Variants in LILRB5 observed in about 807,000 individuals in gnomAD.
The protein encoded by LILRB5 is leukocyte immunoglobulin-like receptor subfamily B member 5.
In LILRB5, 61 loss-of-function variants were observed where a neutral mutation model predicts 68.4. The observed-to-expected ratio is 0.89, with a 90% CI of 0.73 to 1.10. LILRB5 has a LOEUF of 1.10. Among genes scored for constraint, LILRB5 ranks in the 50% least tolerant of loss-of-function variants. LILRB5 has a pLI of 0.00. For missense variants in LILRB5, 771 were observed against 751.6 expected, an observed-to-expected ratio of 1.03 and a Z score of -0.30; for synonymous variants, 356 against 315.8, an observed-to-expected ratio of 1.13 and a Z score of -1.35.
At position 54,249,864 on chromosome 19, in the gene LILRB5, C is replaced by A. The variant is rs1353285124; in HGVS notation, c.*922G>T. The A allele has an allele frequency of 6.6e-6, 1 of 152,174 alleles. No homozygotes were observed. Among genetic ancestry groups the A allele is most frequent in the East Asian group, 1.9e-4 (1 of 5,198 alleles). 9.4% of individuals were successfully genotyped at this position (152,174 alleles called of 1,614,324 possible). On this transcript the variant is annotated 3_prime_UTR_variant, in exon 13 of 13. Transcript: ENST00000449561. ...CCTGACCAACATGGAGAAACCCTGTCTCTACTAAAAATACAAAAATTAGCC... is the reference window on the plus strand; with the variant it reads ...CCTGACCAACATGGAGAAACCCTGTATCTACTAAAAATACAAAAATTAGCC...
chr19:54,255,841 T>C, intron 4 of LILRB5: 1 of 651,484 alleles, frequency 1.5e-6, no homozygotes, highest in Non-Finnish European at 2.6e-6. Flanking sequence ...CCCATTGCCT[T>C]CCTGAGTCGA....
chr19:54,252,526 C>T lies in LILRB5; in HGVS notation c.1498G>A (p.Ala500Thr), dbSNP rs763884195. 1 of 1,613,922 alleles carries T rather than the reference C, an allele frequency of 6.2e-7. No homozygotes were observed. The highest frequency in any genetic ancestry group is 2.2e-5 in the East Asian group (1 of 44,892). ...TGGTCCTTGGGCTCTGGCCCCGCAGCCCCTGCAGGACGGTAGAAATGGGCT... is the reference window on the plus strand; with the variant it reads ...TGGTCCTTGGGCTCTGGCCCCGCAGTCCCTGCAGGACGGTAGAAATGGGCT... ...TSAHFYRPAG[A>T]AGPEPKDQGL... The change falls in exon 10 of 13, where the codon GCT (alanine) becomes ACT (threonine). Residue 500 changes from alanine to threonine, a missense_variant. By Grantham distance (58) the Ala-to-Thr change is moderately conservative. Coordinates refer to ENST00000449561, the MANE Select transcript of LILRB5 (RefSeq NM_001081442.3).
Position 54,255,388 on chromosome 19 carries a change from G to C in LILRB5, c.850C>G (p.Pro284Ala). ...GLSQANFTLG[P>A]VSRSHGGQYR... ...TGGCCCCCGTGGGAGCGGCTCACAGGGCCCAGGGTGAAGTTGGCCTGGGAG... is the reference window on the plus strand; with the variant it reads ...TGGCCCCCGTGGGAGCGGCTCACAGCGCCCAGGGTGAAGTTGGCCTGGGAG... The change falls in exon 5 of 13, where the codon CCT becomes GCT. Residue 284 changes from proline (P) to alanine (A), a missense_variant. By Grantham distance (27) the Pro-to-Ala change is conservative. Coordinates refer to ENST00000449561, the MANE Select transcript of LILRB5 (RefSeq NM_001081442.3). The C allele has an allele frequency of 6.2e-7, 1 of 1,614,128 alleles. No homozygotes were observed. Among genetic ancestry groups the C allele is most frequent in the Non-Finnish European group, 8.5e-7 (1 of 1,180,010 alleles).
At chr19:54,256,459 T>C (rs762479428) in intron 3 of LILRB5, 30 bp downstream of exon 3, 5 of 1,611,686 alleles carry the variant, frequency 3.1e-6, no homozygotes, top group Non-Finnish European at 4.2e-6. Flanking sequence ...GGGCAGAGCC[T>C]GGGGCTGGGA....
At position 54,252,561 on chromosome 19, in the gene LILRB5, T is replaced by C. The variant is rs779132097; in HGVS notation, c.1475-12A>G. The stretch of plus-strand genomic sequence containing the variant: ...ACGGTAGAAATGGGCTGGACAGAGA[T>C]GGACAGAGGGTCAGGCCTGGGAGAA... On this transcript the variant is annotated splice_polypyrimidine_tract_variant and intron_variant, in intron 9 of 12. Coordinates refer to ENST00000449561, the MANE Select transcript of LILRB5 (RefSeq NM_001081442.3). 5 of 1,613,402 alleles carry C rather than the reference T, an allele frequency of 3.1e-6. No homozygotes were observed. Among genetic ancestry groups the C allele is most frequent in the Non-Finnish European group, 4.2e-6 (5 of 1,179,896 alleles).
rs1196030566 is a variant in LILRB5 at position 54,256,962 on chromosome 19, T to C, written c.69A>G (p.Ala23=). 6.2e-7 allele frequency: 1 copy of C among 1,614,188 alleles called. No homozygotes were observed. Among genetic ancestry groups the C allele is most frequent in the Non-Finnish European group, 8.5e-7 (1 of 1,180,004 alleles). ...TGGGACAGCTGGGGACAGACTCACCTGCCTGCACGCAGGTCCTGGGGCCCA... is the reference window on the plus strand; with the variant it reads ...TGGGACAGCTGGGGACAGACTCACCCGCCTGCACGCAGGTCCTGGGGCCCA... The part of the protein sequence containing the change: ...LSVGPRTCVQ[A]GTLPKPTLWA... The change falls in exon 2 of 13, where the codon GCA becomes GCG. Residue 23 remains alanine (A), a splice_region_variant and synonymous_variant. Coordinates refer to ENST00000449561, the MANE Select transcript of LILRB5 (RefSeq NM_001081442.3).
Position 54,252,349 on chromosome 19 carries a change from C to T in LILRB5, c.1576+17G>A, listed in dbSNP as rs752063431. 20 of 1,613,514 alleles carry T rather than the reference C, an allele frequency of 1.2e-5. No homozygotes were observed. The highest frequency in any genetic ancestry group is 2.2e-5 in the East Asian group (1 of 44,886). ...TCCCTTGCCCACCCCAGGTGCCCTCCGCTTCTAGTCACTCACTGAGAATTT... is the reference window on the plus strand; with the variant it reads ...TCCCTTGCCCACCCCAGGTGCCCTCTGCTTCTAGTCACTCACTGAGAATTT... On this transcript the variant is annotated intron_variant, in intron 11 of 12. Transcript: ENST00000449561.
At chr19:54,254,255 G>A (rs2079048201) in intron 7 of LILRB5, 110 bp downstream of exon 7, 2 of 1,462,608 alleles carry the variant, frequency 1.4e-6, no homozygotes, top group Non-Finnish European at 1.8e-6. Flanking sequence ...CAGCTCCCTG[G>A]AGGGAAGCTC....
At position 54,250,476 on chromosome 19, in the gene LILRB5, C is replaced by T. The variant is rs928413835; in HGVS notation, c.*310G>A. 14 of 341,920 alleles carry T rather than the reference C, an allele frequency of 4.1e-5. No homozygotes were observed. The highest frequency in any genetic ancestry group is 1.9e-4 in the African/African-American group (9 of 48,020). 21.2% of individuals were successfully genotyped at this position (341,920 alleles called of 1,614,324 possible). On this transcript the variant is annotated 3_prime_UTR_variant, in exon 13 of 13. Coordinates refer to ENST00000449561, the MANE Select transcript of LILRB5 (RefSeq NM_001081442.3). Reference sequence around the variant, plus strand: ...ATTCATTCGCTCATTTGTAGTTTTCCGATTTCATCATTTAATGTGTAATAT... The same window carrying T: ...ATTCATTCGCTCATTTGTAGTTTTCTGATTTCATCATTTAATGTGTAATAT...
Position 54,254,093 on chromosome 19 carries a change from G to A in LILRB5, c.1307-25C>T, listed in dbSNP as rs370888692. ...GCTGGGTCAGGACGGGGAGGTGAGGGCTGGGGCTGCCCTGCTCCCCACATC... is the reference window on the plus strand; with the variant it reads ...GCTGGGTCAGGACGGGGAGGTGAGGACTGGGGCTGCCCTGCTCCCCACATC... On this transcript the variant is annotated intron_variant, in intron 7 of 12. Transcript: ENST00000449561. 1.0e-4 allele frequency: 163 copies of A among 1,584,986 alleles called. No individual in the cohort carries two copies. In the African/African-American group the frequency reaches 1.8e-3, roughly 17 times the overall value.
chr19:54,255,654 T>C, intron 4 of LILRB5, 72 bp from the exon 5 acceptor site: 2 of 1,488,760 alleles, frequency 1.3e-6, no homozygotes, highest in South Asian at 2.7e-5. Flanking sequence ...CGTCCTGGCG[T>C]CCTGGCCCTG....
At chr19:54,256,832 C>G in intron 2 of LILRB5, 59 bp from the exon 3 acceptor site, 1 of 1,608,834 alleles carries the variant, frequency 6.2e-7, no homozygotes, top group Non-Finnish European at 8.5e-7. Context: ...TTCCAGCTCT[C>G]AGCCCCAGGA....
Position 54,254,780 on chromosome 19 carries a change from A to C in LILRB5, c.1210T>G (p.Tyr404Asp), listed in dbSNP as rs1318692690. Residue 404 changes from tyrosine to aspartate, a missense_variant, in exon 6 of 13, where the codon TAC becomes GAC. Coordinates refer to ENST00000449561, the MANE Select transcript of LILRB5 (RefSeq NM_001081442.3). ...GGGTAACTAGGGCTGGACAGCAGGT[A>C]GGGGTAGGACCTGATTGCGCTGTAG... ...RCYSAIRSYP[Y>D]LLSSPSYPQE... 6.2e-7 allele frequency: 1 copy of C among 1,614,134 alleles called. No individual in the cohort carries two copies. Among genetic ancestry groups the C allele is most frequent in the South Asian group, 1.1e-5 (1 of 91,090 alleles).
chr19:54,256,834 GC>G (rs778569822), intron 2 of LILRB5, 61 bp from the exon 3 acceptor site: 1 of 1,608,170 alleles, frequency 6.2e-7, no homozygotes, highest in Non-Finnish European at 8.5e-7. Context: ...CCAGCTCTCA[GC>G]CCCAGGACCC....
chr19:54,252,305 G>T, intron 11 of LILRB5, 61 bp downstream of exon 11: 1 of 1,572,814 alleles, frequency 6.4e-7, no homozygotes, highest in Non-Finnish European at 8.7e-7. Flanking sequence ...TGCCCCCATT[G>T]CTACAGAAAC....
chr19:54,253,829 G>T, intron 8 of LILRB5, 189 bp downstream of exon 8: 1 of 1,481,558 alleles, frequency 6.7e-7, no homozygotes, highest in Non-Finnish European at 9.0e-7. Flanking sequence ...TGCTGCCGGT[G>T]GGACAGGACA....
chr19:54,255,081 T>A, intron 5 of LILRB5, 44 bp from the exon 6 acceptor site: 1 of 1,555,472 alleles, frequency 6.4e-7, no homozygotes, highest in Non-Finnish European at 8.7e-7. Context: ...CACCTTGCTC[T>A]GAGCTGAGAC....
At chr19:54,254,705 G>A (rs763646903) in intron 6 of LILRB5, 30 bp downstream of exon 6, 2 of 1,612,104 alleles carry the variant, frequency 1.2e-6, no homozygotes, top group East Asian at 4.5e-5. Context: ...GAGCCTTTGA[G>A]CTTGGACAGG....
rs2079011841 is a variant in LILRB5 at position 54,253,002 on chromosome 19, C to T, written c.1358-15G>A. The T allele has an allele frequency of 5.3e-6, 8 of 1,521,694 alleles. No homozygotes were observed. The highest frequency in any genetic ancestry group is 7.1e-6 in the Non-Finnish European group (8 of 1,121,368). The allele number at this position is 1,521,694 out of a possible 1,614,324, so 94.3% of individuals were successfully genotyped here. On this transcript the variant is annotated splice_polypyrimidine_tract_variant and intron_variant, in intron 8 of 12. Coordinates refer to ENST00000449561, the MANE Select transcript of LILRB5 (RefSeq NM_001081442.3). ...CCTTCCCAGACCTTGAGCGTGATGACGTTGGGAATGGGGATGACGTCATTG... is the reference window on the plus strand; with the variant it reads ...CCTTCCCAGACCTTGAGCGTGATGATGTTGGGAATGGGGATGACGTCATTG...
Sources: allele counts gnomAD v4.1 joint callset, GRCh38; gene constraint gnomAD v4.1.1; transcripts MANE v1.5; gene names NCBI Gene and HGNC (gene_info 2026-07-23, HGNC 2026-07-21).